The following GSTO2 variants were observed in gnomAD, a reference collection of about 807,000 sequenced individuals.
GSTO2 encodes the protein glutathione S-transferase omega 2.
GSTO2 carries 23 observed loss-of-function variants against 28.4 expected under a neutral mutation model. That is an observed-to-expected ratio of 0.81 (90% CI 0.58 to 1.15). GSTO2 has a LOEUF of 1.15. GSTO2 is among the 50% of genes most tolerant of loss of function. The pLI, the probability that GSTO2 is intolerant of heterozygous loss-of-function variation, is 0.00. For missense variants in GSTO2, 298 were observed against 297.8 expected (o/e 1.00, Z 0.00); for synonymous variants, 109 against 111.0 (o/e 0.98, Z 0.11).
intron 5 of GSTO2, among the ~76,000 whole-genome samples, chr10:104,290,599 T>C (rs556207677): frequency 4.4e-4 from 67 of 152,136 alleles, no homozygotes; most frequent in Non-Finnish European, 8.7e-4. Flanking sequence ...TGCAGCAACA[T>C]GGATGGAACT....
chr10:104,274,630 C>T (rs1005892684), intron 1 of GSTO2, 55 bp from the exon 2 acceptor site: 3 of 536,166 alleles, frequency 5.6e-6, no homozygotes, highest in Non-Finnish European at 6.5e-6. Flanking sequence ...AGCACATGTC[C>T]AGAGCAAGGG....
At position 104,275,311 on chromosome 10, in the gene GSTO2, C is replaced by T. The variant is rs572727110; in HGVS notation, c.120C>T (p.Leu40=). 9 of 1,614,050 alleles carry T rather than the reference C, an allele frequency of 5.6e-6. No homozygotes were observed. The highest frequency in any genetic ancestry group is 2.7e-5 in the African/African-American group (2 of 75,042). ...GCCCCTATTCTCACAGGACCCGCCTCGTCCTCAAGGCCAAAGACATCAGGT... is the reference window on the plus strand; with the variant it reads ...GCCCCTATTCTCACAGGACCCGCCTTGTCCTCAAGGCCAAAGACATCAGGT... ...RFCPYSHRTR[L]VLKAKDIRHE... is the part of the protein sequence containing the mutation. Residue 40 remains leucine, a synonymous_variant, in exon 3 of 7, where the codon CTC becomes CTT. Transcript: ENST00000338595.
rs1267966326 is a variant in GSTO2, at chr10:104,299,179, G to C, written c.627G>C (p.Trp209Cys). 1.2e-6 allele frequency: 2 copies of C among 1,614,152 alleles called. No homozygotes were observed. Among genetic ancestry groups the C allele is most frequent in the South Asian group, 2.2e-5 (2 of 91,080 alleles). The change falls in exon 7 of 7, where the codon TGG (tryptophan) becomes TGC (cysteine). Residue 209 changes from tryptophan to cysteine, a missense_variant. Coordinates refer to ENST00000338595, the MANE Select transcript of GSTO2 (RefSeq NM_183239.2). ...ALRLWISAMK[W>C]DPTVCALLMD... is the part of the protein sequence containing the mutation. ...GGCTCTGGATATCAGCCATGAAGTG[G>C]GACCCCACAGTCTGTGCTCTTCTCA... is the stretch of plus-strand genomic sequence containing the variant.
Position 104,299,234 on chromosome 10 carries a change from A to C in GSTO2, c.682A>C (p.Asn228His). The C allele has an allele frequency of 6.2e-7, 1 of 1,614,112 alleles. No homozygotes were observed. Residue 228 changes from asparagine (N) to histidine (H), a missense_variant, in exon 7 of 7, where the codon AAT becomes CAT. By Grantham distance (68) the Asn-to-His change is moderately conservative. Transcript: ENST00000338595. ...TAAGAGCATTTTCCAGGGCTTCTTGAATCTCTATTTTCAGAACAACCCTAA... is the reference window on the plus strand; with the variant it reads ...TAAGAGCATTTTCCAGGGCTTCTTGCATCTCTATTTTCAGAACAACCCTAA... The part of the protein sequence containing the change: ...MDKSIFQGFL[N>H]LYFQNNPNAF...
chr10:104,299,278 G>C lies in GSTO2; in HGVS notation c.726G>C (p.Leu242=). The C allele has an allele frequency of 6.2e-7, 1 of 1,614,050 alleles. No individual in the cohort carries two copies. Among genetic ancestry groups the C allele is most frequent in the Non-Finnish European group, 8.5e-7 (1 of 1,179,982 alleles). ...ACCCTAATGCCTTTGACTTTGGGCTGTGCTGAGTCTCACTGTCCACCCCTT... is the reference window on the plus strand; with the variant it reads ...ACCCTAATGCCTTTGACTTTGGGCTCTGCTGAGTCTCACTGTCCACCCCTT... ...QNNPNAFDFG[L]C Residue 242 remains leucine, a synonymous_variant, in exon 7 of 7, where the codon CTG becomes CTC. Coordinates refer to ENST00000338595, the MANE Select transcript of GSTO2 (RefSeq NM_183239.2).
intron 4 of GSTO2, 64 bp downstream of exon 4, chr10:104,278,180 A>C: frequency 7.7e-7 from 1 of 1,301,930 alleles, no homozygotes; most frequent in Non-Finnish European, 1.1e-6. Context: ...CCAAACCTCA[A>C]CCCATTTTAA....
chr10:104,272,319 G>A (rs1330441739), intron 1 of GSTO2, among the ~76,000 whole-genome samples: 1 of 152,150 alleles, frequency 6.6e-6, no homozygotes, highest in African/African-American at 2.4e-5. Flanking sequence ...ATCGATGGCT[G>A]TTTTTACACT....
At position 104,275,271 on chromosome 10, in the gene GSTO2, A is replaced by G. The variant is rs1391837335; in HGVS notation, c.80A>G (p.Tyr27Cys). The G allele has an allele frequency of 1.1e-5, 17 of 1,613,880 alleles. No individual in the cohort carries two copies. Among genetic ancestry groups the G allele is most frequent in the Non-Finnish European group, 1.4e-5 (17 of 1,179,990 alleles). Residue 27 changes from tyrosine to cysteine, a missense_variant, in exon 3 of 7, where the codon TAC becomes TGC. Tyr to Cys is a radical substitution (Grantham distance 194, BLOSUM62 -2). Transcript: ENST00000338595. ...GPVPEGLIRI[Y>C]SMRFCPYSHR... ...GTCCCGGAGGGGCTGATCCGCATCTACAGCATGAGGTTCTGCCCCTATTCT... is the reference window on the plus strand; with the variant it reads ...GTCCCGGAGGGGCTGATCCGCATCTGCAGCATGAGGTTCTGCCCCTATTCT...
chr10:104,280,059 A>G (rs577425735), intron 5 of GSTO2, among the ~76,000 whole-genome samples: 2 of 150,110 alleles, frequency 1.3e-5, no homozygotes, highest in African/African-American at 4.9e-5. Context: ...CCAGCTACTT[A>G]GGAGGCTGAG....
At chr10:104,285,478 C>T (rs938084500) in intron 5 of GSTO2, among the ~76,000 whole-genome samples, 4 of 151,910 alleles carry the variant, frequency 2.6e-5, no homozygotes, top group Admixed American at 6.6e-5. Context: ...GAGTCAGGGT[C>T]GCACTCTGTC....
At chr10:104,294,017 T>A (rs2012910816) in intron 5 of GSTO2, among the ~76,000 whole-genome samples, 1 of 151,998 alleles carries the variant, frequency 6.6e-6, no homozygotes. Flanking sequence ...AAGAATCACA[T>A]CACCAGCATG....
At chr10:104,292,162 T>G (rs2012804408) in intron 5 of GSTO2, among the ~76,000 whole-genome samples, 2 of 152,066 alleles carry the variant, frequency 1.3e-5, no homozygotes, top group Non-Finnish European at 2.9e-5. Flanking sequence ...AGGGATGCCA[T>G]TGTGAGGGAA....
chr10:104,273,422 ATTGAATGAC>A (rs2011502488), intron 1 of GSTO2, among the ~76,000 whole-genome samples: 1 of 152,264 alleles, frequency 6.6e-6, no homozygotes, highest in Non-Finnish European at 1.5e-5. Flanking sequence ...ACATGAAATC[ATTGAATGAC>A]AGCAAAAAAT....
At chr10:104,272,116 C>T (rs1390255030) in intron 1 of GSTO2, among the ~76,000 whole-genome samples, 1 of 152,092 alleles carries the variant, frequency 6.6e-6, no homozygotes. Context: ...AAATGTACCT[C>T]TCTGATTGGA....
At chr10:104,282,769 C>T (rs184366015) in intron 5 of GSTO2, among the ~76,000 whole-genome samples, 8 of 152,078 alleles carry the variant, frequency 5.3e-5, no homozygotes, top group African/African-American at 7.2e-5. Context: ...AGTTTGTGGC[C>T]GGTAAATGTG....
In GSTO2 at chr10:104,278,035, T is replaced by C. The variant is rs1247502900; in HGVS notation, c.285T>C (p.Asp95=). 1 of 1,614,012 alleles carries C rather than the reference T, an allele frequency of 6.2e-7. No individual in the cohort carries two copies. The highest frequency in any genetic ancestry group is 2.2e-5 in the East Asian group (1 of 44,878). Residue 95 remains aspartate (D), a synonymous_variant, in exon 4 of 7, where the codon GAT becomes GAC. Coordinates refer to ENST00000338595, the MANE Select transcript of GSTO2 (RefSeq NM_183239.2). ...ESVIACEYLD[D]AYPGRKLFPY... is the part of the protein sequence containing the mutation. ...TTATTGCTTGTGAGTACCTGGATGA[T>C]GCTTATCCAGGAAGGAAGCTGTTTC...
intron 5 of GSTO2, among the ~76,000 whole-genome samples, chr10:104,293,151 T>A (rs2012854960): frequency 6.6e-6 from 1 of 152,226 alleles, no homozygotes; most frequent in African/African-American, 2.4e-5. Context: ...TGGCTTGAGC[T>A]TCTGATTCAG....
Position 104,274,836 on chromosome 10 carries a change from T to G in GSTO2, c.-80T>G. ...GGGGTGCGCGCCAGAGCGCAGCTGT[T>G]TCTGGAGCCTGCGGCAGCGGTGGCG... On this transcript the variant is annotated 5_prime_UTR_variant, in exon 2 of 7. Coordinates refer to ENST00000338595, the MANE Select transcript of GSTO2 (RefSeq NM_183239.2). The G allele has an allele frequency of 2.0e-6, 3 of 1,536,774 alleles. No individual in the cohort carries two copies. The South Asian group carries it at 3.5e-5, about 18-fold the overall frequency.
intron 1 of GSTO2, among the ~76,000 whole-genome samples, chr10:104,269,671 CTG>C (rs1239707141): frequency 6.6e-6 from 1 of 152,188 alleles, no homozygotes; most frequent in African/African-American, 2.4e-5. Context: ...TTTGTGAAAA[CTG>C]TGAAAAGTCT....
Sources: allele counts gnomAD v4.1 joint callset (sites outside exome capture counted in the v4.1 genomes callset), GRCh38; gene constraint gnomAD v4.1.1; transcripts MANE v1.5; gene names NCBI Gene and HGNC (gene_info 2026-07-23, HGNC 2026-07-21).